Variants in LEMD3 observed in about 807,000 individuals in gnomAD.
LEMD3 encodes inner nuclear membrane protein Man1.
In LEMD3, 33 loss-of-function variants were observed where a neutral mutation model predicts 95.2. The observed-to-expected ratio is 0.35, with a 90% CI of 0.26 to 0.46. LEMD3 has a LOEUF of 0.46. Among genes scored for constraint, LEMD3 ranks in the 20% least tolerant of loss-of-function variants. The pLI is 1.00. For synonymous variants in LEMD3, 525 were observed against 474.6 expected (o/e 1.11, Z -1.38); for missense variants, 1,210 against 1,192.8 (o/e 1.01, Z -0.21).
intron 10 of LEMD3, 113 bp from the exon 11 acceptor site, chr12:65,245,556 T>G: frequency 1.3e-6 from 1 of 771,482 alleles, no homozygotes; most frequent in Non-Finnish European, 2.3e-6. Context: ...TAAAATCGTA[T>G]GTGGTTTTAA....
chr12:65,172,479 AAAT>A (rs1172290648), intron 1 of LEMD3, among the ~76,000 whole-genome samples: 1 of 152,212 alleles, frequency 6.6e-6, no homozygotes, highest in Non-Finnish European at 1.5e-5. Flanking sequence ...CGAGACAGTC[AAAT>A]AATAGATTTT....
chr12:65,182,960 C>G (rs1189546058), intron 1 of LEMD3, among the ~76,000 whole-genome samples: 1 of 152,032 alleles, frequency 6.6e-6, no homozygotes, highest in Non-Finnish European at 1.5e-5. Context: ...CATGAATAGG[C>G]AATAGGTGAA....
rs1565776126 is a variant in LEMD3, at chr12:65,170,497, T to C, written c.901T>C (p.Ser301Pro). 3 of 1,611,518 alleles carry C rather than the reference T, an allele frequency of 1.9e-6. No individual in the cohort carries two copies. In the East Asian group the frequency reaches 6.7e-5, roughly 36 times the overall value. Residue 301 changes from serine to proline, a missense_variant, in exon 1 of 13, where the codon TCG becomes CCG. Transcript: ENST00000308330. ...GCCTCTCCCCCCGCTGACTGCTAAA[T>C]CGGCCGGCGGCAGGCTGGAGACTTC... ...SKPLPPLTAKSAGGRLETSVQ... is the reference protein window; with the variant it reads ...SKPLPPLTAKPAGGRLETSVQ...
chr12:65,228,386 ATTTAT>A (rs1476433802), intron 4 of LEMD3, among the ~76,000 whole-genome samples: 11 of 137,634 alleles, frequency 8.0e-5, no homozygotes, highest in African/African-American at 3.4e-4. Flanking sequence ...TATTGTTATT[ATTTAT>A]TTATTTATTT....
At chr12:65,212,518 CA>C (rs993947016) in intron 2 of LEMD3, among the ~76,000 whole-genome samples, 5 of 116,232 alleles carry the variant, frequency 4.3e-5, no homozygotes, top group Non-Finnish European at 8.3e-5. Flanking sequence ...GCCTGGGCTA[CA>C]GAGTGAGACT....
intron 4 of LEMD3, among the ~76,000 whole-genome samples, chr12:65,223,348 C>T (rs969786413): frequency 4.8e-5 from 7 of 144,650 alleles, no homozygotes; most frequent in East Asian, 4.0e-4. Flanking sequence ...CTGTCACCCA[C>T]GCTTGAGTGC....
chr12:65,232,832 C>G (rs1048864491), intron 4 of LEMD3, among the ~76,000 whole-genome samples: 1 of 152,080 alleles, frequency 6.6e-6, no homozygotes, highest in Non-Finnish European at 1.5e-5. Flanking sequence ...TCCTAGGTTG[C>G]TTTCAAAACC....
chr12:65,212,794 A>G (rs1288816522), intron 2 of LEMD3, among the ~76,000 whole-genome samples: 3 of 152,206 alleles, frequency 2.0e-5, no homozygotes, highest in Non-Finnish European at 4.4e-5. Flanking sequence ...AACTTTAACT[A>G]GTTTGCAGAA....
chr12:65,225,312 A>G (rs1431270340), intron 4 of LEMD3, among the ~76,000 whole-genome samples: 1 of 152,120 alleles, frequency 6.6e-6, no homozygotes, highest in African/African-American at 2.4e-5. Context: ...CGTGCATTTA[A>G]CAACAACAGA....
chr12:65,169,713 C>T lies in LEMD3; in HGVS notation c.117C>T (p.Tyr39=). 16 of 1,587,166 alleles carry T rather than the reference C, an allele frequency of 1.0e-5. No individual in the cohort carries two copies. Among genetic ancestry groups the T allele is most frequent in the Non-Finnish European group, 1.4e-5 (16 of 1,167,072 alleles). Reference sequence around the variant, plus strand: ...TGACGGAGAGCACCCGCCCGGTCTACCTCAAGAAGCTGAAGAAGCTTCGAG... The same window carrying T: ...TGACGGAGAGCACCCGCCCGGTCTATCTCAAGAAGCTGAAGAAGCTTCGAG... ...GPVTESTRPV[Y]LKKLKKLREE... is the part of the protein sequence containing the mutation. Residue 39 remains tyrosine (Y), a synonymous_variant, in exon 1 of 13, where the codon TAC becomes TAT. Transcript: ENST00000308330.
intron 1 of LEMD3, among the ~76,000 whole-genome samples, chr12:65,205,404 A>G (rs960215827): frequency 6.6e-6 from 1 of 152,146 alleles, no homozygotes; most frequent in African/African-American, 2.4e-5. Context: ...TTTATCATAT[A>G]TAAAGAATAA....
At chr12:65,171,908 G>A (rs1868561909) in intron 1 of LEMD3, 1 of 152,176 alleles carries the variant, frequency 6.6e-6, no homozygotes, top group Non-Finnish European at 1.5e-5. Context: ...TGAGTAATTG[G>A]CGTACACAAC....
chr12:65,239,783 AT>A, intron 6 of LEMD3, 145 bp from the exon 7 acceptor site: 1 of 596,458 alleles, frequency 1.7e-6, no homozygotes, highest in Non-Finnish European at 3.0e-6. Context: ...TCAGTATTAA[AT>A]TTTTTTATGT....
At chr12:65,199,295 A>G (rs1250300299) in intron 1 of LEMD3, among the ~76,000 whole-genome samples, 4 of 152,022 alleles carry the variant, frequency 2.6e-5, no homozygotes, top group Non-Finnish European at 4.4e-5. Flanking sequence ...TTAAATGTCT[A>G]TTTTGGTATT....
rs765156027 is a variant in LEMD3, at chr12:65,170,281, G to C, written c.685G>C (p.Glu229Gln). 3 of 1,572,418 alleles carry C rather than the reference G, an allele frequency of 1.9e-6. No homozygotes were observed. In the East Asian group the frequency reaches 7.1e-5, roughly 37 times the overall value. ...GGAAGGGGAGGGAGAGGACGGTGAG[G>C]AGAGGGACCCGGAGACCGAGGAGCC... ...DEEGEGEDGE[E>Q]RDPETEEPLW... Residue 229 changes from glutamate (E) to glutamine (Q), a missense_variant, in exon 1 of 13, where the codon GAG becomes CAG. Around this residue, in one of 2 missense-constraint regions of LEMD3, gnomAD observed 749 missense variants for 622.9 expected, o/e 1.20. Transcript: ENST00000308330.
At chr12:65,244,258 TG>T (rs756977862) in intron 10 of LEMD3, among the ~76,000 whole-genome samples, 55 of 150,514 alleles carry the variant, frequency 3.7e-4, no homozygotes, top group South Asian at 1.3e-3. Flanking sequence ...TGTTTGCACG[TG>T]GGCACGCGCA....
rs533826579 is a variant in LEMD3 at position 65,204,897 on chromosome 12, A to G, written c.1523-6029A>G. 9.2e-5 allele frequency among the ~76,000 whole-genome samples: 14 copies of G among 152,274 alleles called. No individual in the cohort carries two copies. The South Asian group carries it at 2.7e-3, about 29-fold the overall frequency. On this transcript the variant is annotated intron_variant, in intron 1 of 12. Coordinates refer to ENST00000308330, the MANE Select transcript of LEMD3 (RefSeq NM_014319.5). ...ATAATGTGGAATTAGTGCTTGAGTA[A>G]ATATAAGTAATTTCAGTTATAGTCT...
Position 65,243,416 on chromosome 12 carries a change from A to C in LEMD3, c.2334A>C (p.Pro778=). The change falls in exon 10 of 13, where the codon CCA becomes CCC. Residue 778 remains proline (P), a synonymous_variant. Coordinates refer to ENST00000308330, the MANE Select transcript of LEMD3 (RefSeq NM_014319.5). ...QAFHLDRRNS[P]PNSLTPCLKI... is the part of the protein sequence containing the mutation. ...TTCATTTAGATAGAAGAAATTCACC[A>C]CCAAATAGTTTGACACCGTGTCTAA... The C allele has an allele frequency of 6.2e-7, 1 of 1,603,032 alleles. No individual in the cohort carries two copies. The highest frequency in any genetic ancestry group is 2.2e-5 in the East Asian group (1 of 44,740).
At chr12:65,222,112 A>G (rs1208056858) in intron 4 of LEMD3, among the ~76,000 whole-genome samples, 2 of 152,124 alleles carry the variant, frequency 1.3e-5, no homozygotes, top group African/African-American at 2.4e-5. Flanking sequence ...GGCCTTTAAT[A>G]TGTTGAGATA....
Sources: gnomAD v4.1 joint callset for allele counts (sites outside exome capture counted in the v4.1 genomes callset) on GRCh38, gnomAD v4.1.1 for gene constraint, gnomAD v4.1.1 regional missense constraint, MANE v1.5 for transcripts, NCBI Gene and HGNC (gene_info 2026-07-23, HGNC 2026-07-21) for gene names.